The following PDGFRA variants were observed in gnomAD, a reference collection of about 807,000 sequenced individuals.
The protein encoded by PDGFRA is platelet-derived growth factor receptor alpha.
A neutral mutation model predicts 121.5 loss-of-function variants in PDGFRA; 25 were observed. That is an observed-to-expected ratio of 0.21 (90% CI 0.15 to 0.29). PDGFRA has a LOEUF of 0.29. Ranked by LOEUF, PDGFRA falls within the 10% of genes least tolerant of loss-of-function variation. The pLI is 1.00. For missense variants in PDGFRA, 1,008 were observed against 1,345.1 expected (o/e 0.75, Z 3.92); for synonymous variants, 463 against 494.8 (o/e 0.94, Z 0.85).
At chr4:54,239,407 G>T (rs1057056448) in intron 1 of PDGFRA, among the ~76,000 whole-genome samples, 1 of 152,088 alleles carries the variant, frequency 6.6e-6, no homozygotes, top group East Asian at 1.9e-4. Context: ...CTTTTGGCTT[G>T]CTCTTGAATT....
chr4:54,265,284 G>T, intron 5 of PDGFRA: 1 of 473,034 alleles, frequency 2.1e-6, no homozygotes, highest in Non-Finnish European at 3.9e-6. Flanking sequence ...AGAGTGTGCC[G>T]TAAGCCTTCT....
chr4:54,287,339 T>C, intron 18 of PDGFRA, 91 bp from the exon 19 acceptor site: 1 of 772,800 alleles, frequency 1.3e-6, no homozygotes, highest in Non-Finnish European at 2.4e-6. Context: ...CACAAGTTAT[T>C]AAGAGCCCAA....
At position 54,287,418 on chromosome 4, in the gene PDGFRA, C is replaced by T. The variant is rs748718870; in HGVS notation, c.2563-12C>T. The T allele has an allele frequency of 3.7e-6, 4 of 1,080,024 alleles. No homozygotes were observed. The highest frequency in any genetic ancestry group is 1.4e-6 in the Non-Finnish European group (1 of 691,890). 66.9% of individuals were successfully genotyped at this position (1,080,024 alleles called of 1,614,324 possible). A position where few individuals can be genotyped will look rare whatever the true frequency, so the allele number is the denominator to read the frequency against. ...TAGACATGGGTTTAACTGTCTCCCT[C>T]CTTCCTTGCAGACCTTTCTGCCCGT... On this transcript the variant is annotated splice_polypyrimidine_tract_variant and intron_variant, in intron 18 of 22. Coordinates refer to ENST00000257290, the MANE Select transcript of PDGFRA (RefSeq NM_006206.6).
At chr4:54,290,272 T>C in intron 21 of PDGFRA, 41 bp from the exon 22 acceptor site, 1 of 1,538,610 alleles carries the variant, frequency 6.5e-7, no homozygotes, top group Non-Finnish European at 9.0e-7. Flanking sequence ...TGAGGTTTGG[T>C]TGTTAACACT....
intron 16 of PDGFRA, chr4:54,281,598 G>C: frequency 7.4e-7 from 1 of 1,352,872 alleles, no homozygotes; most frequent in South Asian, 1.2e-5. Flanking sequence ...TGGTGGAGTT[G>C]GCACGAGATG....
intron 1 of PDGFRA, among the ~76,000 whole-genome samples, chr4:54,240,390 G>A (rs2110187317): frequency 6.6e-6 from 1 of 152,206 alleles, no homozygotes; most frequent in South Asian, 2.1e-4. Context: ...AGATGCTCTG[G>A]GGTTTTTGGC....
intron 5 of PDGFRA, 67 bp downstream of exon 5, chr4:54,265,116 G>C: frequency 6.6e-7 from 1 of 1,506,116 alleles, no homozygotes; most frequent in Admixed American, 1.7e-5. Context: ...CTGCATTTGA[G>C]CTCGGTCTGT....
chr4:54,275,162 T>A (rs1723651646), intron 12 of PDGFRA, among the ~76,000 whole-genome samples, 189 bp downstream of exon 12: 1 of 152,170 alleles, frequency 6.6e-6, no homozygotes, highest in Admixed American at 6.5e-5. Context: ...TTTTTTTAAA[T>A]CTCTTTCCAT....
At chr4:54,276,384 GA>G (rs1179682966) in intron 12 of PDGFRA, among the ~76,000 whole-genome samples, 1 of 152,142 alleles carries the variant, frequency 6.6e-6, no homozygotes, top group Non-Finnish European at 1.5e-5. Context: ...GGCTCTGTGT[GA>G]ATTAAACCCT....
At chr4:54,294,992 T>C in intron 22 of PDGFRA, 133 bp from the exon 23 acceptor site, 1 of 884,466 alleles carries the variant, frequency 1.1e-6, no homozygotes, top group Non-Finnish European at 1.9e-6. Context: ...ATGTCAGGCC[T>C]GGGGGCAGAA....
chr4:54,265,136 G>A, intron 5 of PDGFRA, 87 bp downstream of exon 5: 2 of 1,273,206 alleles, frequency 1.6e-6, no homozygotes, highest in Non-Finnish European at 1.1e-6. Flanking sequence ...TCACTGATGG[G>A]CACATCACTG....
rs1278770606 is a variant in PDGFRA at position 54,296,606 on chromosome 4, G to A, written c.*1334G>A. ...CTCAAATGTGTGTGGCAGCCAGGAT[G>A]ACTAGATCCTGGGTTTCCATCCTTG... On this transcript the variant is annotated 3_prime_UTR_variant, in exon 23 of 23. Transcript: ENST00000257290. 3.9e-5 allele frequency: 9 copies of A among 232,522 alleles called. No homozygotes were observed. Among genetic ancestry groups the A allele is most frequent in the South Asian group, 3.6e-4 (2 of 5,526 alleles). 14.4% of individuals were successfully genotyped at this position (232,522 alleles called of 1,614,324 possible).
chr4:54,295,777 A>G lies in PDGFRA; in HGVS notation c.*505A>G, dbSNP rs373134586. The G allele has an allele frequency of 9.4e-5, 23 of 244,548 alleles. No homozygotes were observed. The South Asian group carries it at 3.0e-3, about 32-fold the overall frequency. The allele number at this position is 244,548 out of a possible 1,614,324, so 15.1% of individuals were successfully genotyped here. ...TTTTTAAAGAAGTGCATGAAAAACC[A>G]TTTTTGAACCTTAAAAGGTACTGGT... On this transcript the variant is annotated 3_prime_UTR_variant, in exon 23 of 23. Transcript: ENST00000257290.
chr4:54,292,330 A>T lies in PDGFRA; in HGVS notation c.3122+1776A>T, dbSNP rs541488393. Among the ~76,000 whole-genome samples, 54 of 152,366 alleles carry T rather than the reference A, an allele frequency of 3.5e-4. 1 individual carries two copies. Among genetic ancestry groups the T allele is most frequent in the African/African-American group, 1.2e-3 (48 of 41,592 alleles). On this transcript the variant is annotated intron_variant, in intron 22 of 22. Coordinates refer to ENST00000257290, the MANE Select transcript of PDGFRA (RefSeq NM_006206.6). ...TGATACATATACACCATGGAATACG[A>T]TGCAGCCGTAAAAAGGAATGAGATC...
At position 54,267,593 on chromosome 4, in the gene PDGFRA, G is replaced by A; in HGVS notation, c.973G>A (p.Glu325Lys). The A allele has an allele frequency of 6.2e-7, 1 of 1,614,214 alleles. No homozygotes were observed. Among genetic ancestry groups the A allele is most frequent in the Non-Finnish European group, 8.5e-7 (1 of 1,180,042 alleles). ...AATCAAACCCACCTTCAGCCAGTTG[G>A]AAGCTGTCAACCTGCATGAAGTCAA... ...IEIKPTFSQL[E>K]AVNLHEVKHF... The change falls in exon 7 of 23, where the codon GAA (glutamate) becomes AAA (lysine). Residue 325 changes from glutamate to lysine, a missense_variant. By Grantham distance (56) the Glu-to-Lys change is moderately conservative. Transcript: ENST00000257290.
At chr4:54,269,871 C>G (rs548227571) in intron 7 of PDGFRA, among the ~76,000 whole-genome samples, 2 of 151,042 alleles carry the variant, frequency 1.3e-5, no homozygotes, top group Non-Finnish European at 2.9e-5. Context: ...AGGCTGGTCT[C>G]GAACTCCTGA....
At chr4:54,270,049 C>A (rs1723256532) in intron 7 of PDGFRA, among the ~76,000 whole-genome samples, 1 of 152,056 alleles carries the variant, frequency 6.6e-6, no homozygotes, top group African/African-American at 2.4e-5. Context: ...CTCCTGTCCC[C>A]AGCTGCCCAG....
intron 7 of PDGFRA, among the ~76,000 whole-genome samples, chr4:54,267,964 T>A (rs1723135197): frequency 6.6e-6 from 1 of 152,126 alleles, no homozygotes; most frequent in African/African-American, 2.4e-5. Flanking sequence ...AACTAAAAGC[T>A]CTGGCCCCTG....
chr4:54,270,762 G>A lies in PDGFRA; in HGVS notation c.1237+14G>A, dbSNP rs1723302091. The A allele has an allele frequency of 1.5e-6, 2 of 1,366,556 alleles. No individual in the cohort carries two copies. The highest frequency in any genetic ancestry group is 2.8e-5 in the African/African-American group (2 of 70,226). 84.7% of individuals were successfully genotyped at this position (1,366,556 alleles called of 1,614,324 possible). On this transcript the variant is annotated intron_variant, in intron 8 of 22. Transcript: ENST00000257290. ...TGTTAACTCAAGGTATGTAAAGGGA[G>A]TATAAAGATAATGCTAGCTCTGTAG...
Sources: allele counts gnomAD v4.1 joint callset (sites outside exome capture counted in the v4.1 genomes callset), GRCh38; gene constraint gnomAD v4.1.1; transcripts MANE v1.5; gene names NCBI Gene and HGNC (gene_info 2026-07-23, HGNC 2026-07-21).